The following MBP variants were observed in gnomAD, a reference collection of about 807,000 sequenced individuals.
MBP encodes the protein Golli-MBP.
MBP carries 16 observed loss-of-function variants against 35.8 expected under a neutral mutation model. The ratio of observed to expected loss-of-function variants is 0.45; its 90% confidence interval spans 0.30 to 0.68. The LOEUF is 0.68. MBP is among the 30% of genes least tolerant of loss of function. The pLI is 0.08. For missense variants in MBP, 380 were observed against 404.7 expected (o/e 0.94, Z 0.52); for synonymous variants, 143 against 159.6 (o/e 0.90, Z 0.78).
intron 3 of MBP, among the ~76,000 whole-genome samples, chr18:77,028,897 G>C (rs1972395807): frequency 9.2e-6 from 1 of 109,192 alleles, no homozygotes; most frequent in African/African-American, 2.9e-5. Context: ...CAGATGGGAT[G>C]GCGGCCGGGC....
chr18:76,986,527 C>T (rs1043885254), intron 7 of MBP: 23 of 985,472 alleles, frequency 2.3e-5, no homozygotes, highest in Non-Finnish European at 2.7e-5. Context: ...TGAGCATGGC[C>T]ACTCAGAACC....
chr18:77,057,857 C>G (rs1395934899), intron 3 of MBP, among the ~76,000 whole-genome samples: 1 of 1,144 alleles, frequency 8.7e-4, no homozygotes, highest in Non-Finnish European at 1.2e-3. Flanking sequence ...GACGGAGTCT[C>G]GCTCTGTTGC....
chr18:77,017,989 TAG>T (rs1178314368), intron 3 of MBP, among the ~76,000 whole-genome samples: 5 of 152,244 alleles, frequency 3.3e-5, no homozygotes, highest in Admixed American at 2.6e-4. Context: ...GCTTTCAAGT[TAG>T]AGTGTTAGGT....
intron 3 of MBP, among the ~76,000 whole-genome samples, chr18:77,025,678 G>C (rs2123543128): frequency 1.4e-5 from 2 of 144,040 alleles, no homozygotes; most frequent in South Asian, 4.5e-4. Context: ...GGTGATGACA[G>C]AGCGGACACT....
At chr18:77,035,020 A>T (rs1223472387) in intron 3 of MBP, among the ~76,000 whole-genome samples, 1 of 152,198 alleles carries the variant, frequency 6.6e-6, no homozygotes, top group African/African-American at 2.4e-5. Context: ...CAGGGGCTTC[A>T]ATGTGCGGAG....
chr18:77,095,144 T>C (rs1197534275), intron 2 of MBP, among the ~76,000 whole-genome samples: 3 of 151,996 alleles, frequency 2.0e-5, no homozygotes, highest in Non-Finnish European at 4.4e-5. Flanking sequence ...TGTGAAAGAG[T>C]TCTAAACTCT....
At chr18:77,083,586 A>C (rs891084555) in intron 2 of MBP, among the ~76,000 whole-genome samples, 1 of 152,226 alleles carries the variant, frequency 6.6e-6, no homozygotes, top group African/African-American at 2.4e-5. Context: ...ATAAACACAA[A>C]CATCTACCAA....
chr18:77,075,855 C>T (rs1329243273), intron 2 of MBP, among the ~76,000 whole-genome samples: 1 of 152,162 alleles, frequency 6.6e-6, no homozygotes. Flanking sequence ...AGGCATTATA[C>T]TATTAGGCTG....
intron 2 of MBP, among the ~76,000 whole-genome samples, chr18:77,082,166 T>A (rs933525644): frequency 1.3e-5 from 2 of 152,170 alleles, no homozygotes; most frequent in Non-Finnish European, 2.9e-5. Context: ...GCAGCATATT[T>A]TATAATAGCC....
At position 76,988,458 on chromosome 18, in the gene MBP, G is replaced by A. The variant is rs1335527563; in HGVS notation, c.750+37C>T. ...GTTGCGGGGCTGTGAGGACTGGGAC[G>A]GAAGAGGAAGCCGATGGAAGTGCGT... On this transcript the variant is annotated intron_variant, in intron 7 of 8. Coordinates refer to ENST00000355994, the MANE Select transcript of MBP (RefSeq NM_001025101.2). The surrounding 1 kb of genome is among the most constrained non-coding windows in gnomAD (Gnocchi z 5.2). The A allele has an allele frequency of 1.1e-5, 18 of 1,614,090 alleles. No homozygotes were observed. Among genetic ancestry groups the A allele is most frequent in the Middle Eastern group, 1.6e-4 (1 of 6,084 alleles).
intron 7 of MBP, 35 bp from the exon 8 acceptor site, chr18:76,984,929 C>G (rs149486356): frequency 2.5e-6 from 4 of 1,609,688 alleles, no homozygotes; most frequent in Non-Finnish European, 2.5e-6. Flanking sequence ...AACCTCCACC[C>G]GCGGTGCTGG....
intron 2 of MBP, among the ~76,000 whole-genome samples, chr18:77,090,156 C>T (rs1975443450): frequency 6.6e-6 from 1 of 152,202 alleles, no homozygotes; most frequent in Admixed American, 6.5e-5. Flanking sequence ...GTAAACTGGC[C>T]TCGGGGAGAG....
intron 8 of MBP, 85 bp downstream of exon 8, chr18:76,984,690 G>A (rs772217230): frequency 5.7e-6 from 9 of 1,585,040 alleles, no homozygotes; most frequent in East Asian, 2.2e-5. Context: ...AGCCAGAGGC[G>A]GCAGCCACCC....
intron 4 of MBP, among the ~76,000 whole-genome samples, chr18:77,007,525 C>G (rs960515956): frequency 6.6e-6 from 1 of 152,226 alleles, no homozygotes; most frequent in Non-Finnish European, 1.5e-5. Flanking sequence ...GGAGGGTTCT[C>G]TGTCCATTAA....
intron 4 of MBP, chr18:77,015,438 T>G: frequency 1.0e-6 from 1 of 985,444 alleles, no homozygotes; most frequent in African/African-American, 1.7e-5. Flanking sequence ...CAGTTGAAAT[T>G]AGCATTAGAA....
chr18:76,989,128 G>A lies in MBP; in HGVS notation c.682-216C>T, dbSNP rs1969747517. 1 of 692,760 alleles carries A rather than the reference G, an allele frequency of 1.4e-6. No individual in the cohort carries two copies. The highest frequency in any genetic ancestry group is 2.6e-6 in the Non-Finnish European group (1 of 379,468). 42.9% of individuals were successfully genotyped at this position (692,760 alleles called of 1,614,324 possible). On this transcript the variant is annotated intron_variant, in intron 5 of 8. Transcript: ENST00000355994. The surrounding 1 kb of genome is among the most constrained non-coding windows in gnomAD (Gnocchi z 4.0). Reference sequence around the variant, plus strand: ...GCAGATCTCCCAGAGCACTCAGGAAGTGTTTCAGAGGATGGAAAACACCTC... The same window carrying A: ...GCAGATCTCCCAGAGCACTCAGGAAATGTTTCAGAGGATGGAAAACACCTC...
chr18:76,984,514 C>A, intron 8 of MBP: 1 of 462,130 alleles, frequency 2.2e-6, no homozygotes, highest in Non-Finnish European at 4.0e-6. Context: ...CAAGGTCAGT[C>A]GCCTGCTCCA....
chr18:77,016,693 T>C, intron 4 of MBP, 139 bp downstream of exon 4: 1 of 1,450,476 alleles, frequency 6.9e-7, no homozygotes, highest in Middle Eastern at 2.0e-4. Context: ...TGGGCTCATA[T>C]GCATTCTCCA....
At chr18:77,000,621 C>G (rs1013079543) in intron 4 of MBP, among the ~76,000 whole-genome samples, 1 of 152,256 alleles carries the variant, frequency 6.6e-6, no homozygotes, top group Non-Finnish European at 1.5e-5. Flanking sequence ...TGATACCCAT[C>G]ACCAGCAGGC....
Sources: gnomAD v4.1 joint callset for allele counts (sites outside exome capture counted in the v4.1 genomes callset) on GRCh38, gnomAD v4.1.1 for gene constraint, Gnocchi (gnomAD v3.1) non-coding constraint, MANE v1.5 for transcripts, NCBI Gene and HGNC (gene_info 2026-07-23, HGNC 2026-07-21) for gene names.